The following NELL1 variants were observed in gnomAD, a reference collection of about 807,000 sequenced individuals.
NELL1 encodes the protein neural EGFL like 1, also known as protein kinase C-binding protein NELL1.
NELL1 carries 76 observed loss-of-function variants against 107.4 expected under a neutral mutation model. That is an observed-to-expected ratio of 0.71 (90% CI 0.59 to 0.86). The LOEUF is 0.86. NELL1 is among the 40% of genes least tolerant of loss of function. The pLI is 0.00. For synonymous variants in NELL1, 353 were observed against 341.2 expected (o/e 1.03, Z -0.38); for missense variants, 1,024 against 1,005.5 (o/e 1.02, Z -0.25).
At chr11:21,045,051 G>A (rs1030753178) in intron 12 of NELL1, among the ~76,000 whole-genome samples, 3 of 152,144 alleles carry the variant, frequency 2.0e-5, no homozygotes, top group Admixed American at 6.6e-5. Context: ...GGCCAAGGGA[G>A]TTGAGCTTAG....
intron 3 of NELL1, among the ~76,000 whole-genome samples, chr11:20,808,886 G>C (rs976077030): frequency 6.6e-6 from 1 of 152,194 alleles, no homozygotes; most frequent in Non-Finnish European, 1.5e-5. Context: ...GATGGGGTCA[G>C]CAATTCAAGA....
chr11:21,344,579 G>A (rs989388620), intron 14 of NELL1, among the ~76,000 whole-genome samples: 3 of 152,046 alleles, frequency 2.0e-5, no homozygotes, highest in Non-Finnish European at 4.4e-5. Flanking sequence ...AGGAATAGCA[G>A]TGGTATTTAA....
intron 3 of NELL1, among the ~76,000 whole-genome samples, chr11:20,839,914 A>G (rs1407944689): frequency 6.6e-6 from 1 of 152,210 alleles, no homozygotes; most frequent in Non-Finnish European, 1.5e-5. Flanking sequence ...CTGGAACCCA[A>G]AGATATCTGA....
intron 14 of NELL1, among the ~76,000 whole-genome samples, chr11:21,233,305 A>G (rs751373033): frequency 2.0e-5 from 3 of 152,316 alleles, no homozygotes; most frequent in Middle Eastern, 3.4e-3. Flanking sequence ...CCATTATTCT[A>G]TTTCACAAGT....
chr11:21,178,791 G>A (rs1034613876), intron 13 of NELL1, among the ~76,000 whole-genome samples: 2 of 151,478 alleles, frequency 1.3e-5, no homozygotes, highest in Admixed American at 6.6e-5. Context: ...TTTCTGTTAG[G>A]TGCATTTAGT....
At chr11:21,042,186 T>C (rs1255171940) in intron 12 of NELL1, among the ~76,000 whole-genome samples, 6 of 152,200 alleles carry the variant, frequency 3.9e-5, no homozygotes, top group East Asian at 3.8e-4. Context: ...AAAATGGGCA[T>C]AAAAATTGCA....
intron 15 of NELL1, among the ~76,000 whole-genome samples, chr11:21,420,089 A>C (rs917902897): frequency 6.6e-6 from 1 of 151,962 alleles, no homozygotes. Flanking sequence ...TGGATACAAA[A>C]ACATATTGCA....
chr11:21,269,661 C>T (rs1848702320), intron 14 of NELL1, among the ~76,000 whole-genome samples: 1 of 152,042 alleles, frequency 6.6e-6, no homozygotes, highest in African/African-American at 2.4e-5. Flanking sequence ...TTGTGCCAAG[C>T]AGACCTACCT....
intron 16 of NELL1, among the ~76,000 whole-genome samples, chr11:21,559,088 G>A (rs566824917): frequency 1.3e-5 from 2 of 152,188 alleles, no homozygotes; most frequent in Middle Eastern, 3.4e-3. Context: ...GTAAGACAAA[G>A]CCAAAAATTA....
At chr11:20,676,532 T>C (rs372466236) in intron 1 of NELL1, among the ~76,000 whole-genome samples, 1 of 152,190 alleles carries the variant, frequency 6.6e-6, no homozygotes, top group Non-Finnish European at 1.5e-5. Flanking sequence ...GGAAGTCTGA[T>C]AGAAACTGAG....
At chr11:21,095,491 G>T (rs7951182) in intron 12 of NELL1, among the ~76,000 whole-genome samples, 36,623 of 152,098 alleles carry the variant, frequency 0.24, 4,817 homozygotes, top group South Asian at 0.34. Flanking sequence ...ATGCTGCTGA[G>T]AAAGACATAC....
chr11:21,261,478 G>C (rs1344200182), intron 14 of NELL1, among the ~76,000 whole-genome samples: 1 of 151,582 alleles, frequency 6.6e-6, no homozygotes, highest in Non-Finnish European at 1.5e-5. Context: ...GACTAATTAT[G>C]ATCATAAACT....
chr11:21,110,855 T>A (rs908982755), intron 12 of NELL1, among the ~76,000 whole-genome samples: 2 of 152,126 alleles, frequency 1.3e-5, no homozygotes, highest in Non-Finnish European at 1.5e-5. Context: ...AACAGAGAAA[T>A]TGAATTGTGT....
At chr11:21,472,999 A>G (rs889316711) in intron 15 of NELL1, among the ~76,000 whole-genome samples, 1 of 152,052 alleles carries the variant, frequency 6.6e-6, no homozygotes, top group Admixed American at 6.6e-5. Flanking sequence ...ACCTCAAGCT[A>G]TTTTTATAAT....
chr11:21,519,978 C>G (rs1855676853), intron 15 of NELL1, among the ~76,000 whole-genome samples: 1 of 151,950 alleles, frequency 6.6e-6, no homozygotes, highest in Admixed American at 6.6e-5. Context: ...CAATAAATAC[C>G]CATATCAATC....
intron 12 of NELL1, among the ~76,000 whole-genome samples, chr11:21,104,639 T>C (rs1854903263): frequency 6.6e-6 from 1 of 152,210 alleles, no homozygotes; most frequent in South Asian, 2.1e-4. Flanking sequence ...GAATTTTTAA[T>C]CTGAAAATAT....
In NELL1 at chr11:21,059,173, T is replaced by C. The variant is rs144965466; in HGVS notation, c.1301-54416T>C. On this transcript the variant is annotated intron_variant, in intron 12 of 19. Coordinates refer to ENST00000357134, the MANE Select transcript of NELL1 (RefSeq NM_006157.5). ...CAGAGGTTTACATATGTTTCACCTT[T>C]TTTATGGCAGTTGCATTTTCTTAAC... Among the ~76,000 whole-genome samples, 434 of 152,264 alleles carry C rather than the reference T, an allele frequency of 2.9e-3. 1 individual carries two copies. Among genetic ancestry groups the C allele is most frequent in the African/African-American group, 9.6e-3 (397 of 41,570 alleles).
At chr11:21,169,932 A>G (rs1455411688) in intron 13 of NELL1, 6 of 1,462,370 alleles carry the variant, frequency 4.1e-6, no homozygotes, top group Non-Finnish European at 5.7e-6. Flanking sequence ...GGCAGGAGGA[A>G]GTGCGGCTGG....
chr11:21,227,611 C>T (rs1857928193), intron 13 of NELL1, among the ~76,000 whole-genome samples: 1 of 152,154 alleles, frequency 6.6e-6, no homozygotes. Context: ...ATACTAGGTA[C>T]TTGATAGGTT....
Sources: allele counts gnomAD v4.1 joint callset (sites outside exome capture counted in the v4.1 genomes callset), GRCh38; gene constraint gnomAD v4.1.1; transcripts MANE v1.5; gene names NCBI Gene and HGNC (gene_info 2026-07-23, HGNC 2026-07-21).